Variants in XDH observed in about 807,000 individuals in gnomAD.
The protein encoded by XDH is xanthine dehydrogenase.
A neutral mutation model predicts 156.1 loss-of-function variants in XDH; 138 were observed. That is an observed-to-expected ratio of 0.88 (90% CI 0.77 to 1.02). The LOEUF (loss-of-function observed/expected upper bound fraction) is 1.02. Among genes scored for constraint, XDH ranks in the 50% least tolerant of loss-of-function variants. The pLI is 0.00. For synonymous variants in XDH, 669 were observed against 625.7 expected, an observed-to-expected ratio of 1.07 and a Z score of -1.03; for missense variants, 1,849 against 1,684.9, an observed-to-expected ratio of 1.10 and a Z score of -1.71.
At chr2:31,350,003 T>G (rs1447671202) in intron 25 of XDH, 29 bp downstream of exon 25, 3 of 1,613,156 alleles carry the variant, frequency 1.9e-6, no homozygotes, top group Non-Finnish European at 2.5e-6. Flanking sequence ...TAAAGCACTC[T>G]GACTTGTGCT....
intron 3 of XDH, among the ~76,000 whole-genome samples, chr2:31,401,688 A>T (rs1414964593): frequency 6.6e-6 from 1 of 152,218 alleles, no homozygotes; most frequent in Non-Finnish European, 1.5e-5. Flanking sequence ...TGCAGCCTTA[A>T]AGCATGCTCC....
At chr2:31,342,661 G>T (rs1685158766) in intron 31 of XDH, among the ~76,000 whole-genome samples, 1 of 152,128 alleles carries the variant, frequency 6.6e-6, no homozygotes, top group East Asian at 1.9e-4. Flanking sequence ...AGAATCCAAG[G>T]TCTTCAGGAC....
chr2:31,344,895 A>G (rs1309229044), intron 30 of XDH, among the ~76,000 whole-genome samples, 159 bp from the exon 31 acceptor site: 1 of 152,138 alleles, frequency 6.6e-6, no homozygotes, highest in African/African-American at 2.4e-5. Context: ...CACTGGCACC[A>G]CCTGCACCAG....
chr2:31,336,677 C>T (rs1164133326), intron 35 of XDH, among the ~76,000 whole-genome samples: 3 of 150,732 alleles, frequency 2.0e-5, no homozygotes, highest in African/African-American at 7.4e-5. Context: ...TGAATGGGGA[C>T]CCATATGCCT....
Position 31,387,808 on chromosome 2 carries a change from T to C in XDH, c.651+3A>G. 1 of 1,576,266 alleles carries C rather than the reference T, an allele frequency of 6.3e-7. No homozygotes were observed. Among genetic ancestry groups the C allele is most frequent in the Admixed American group, 1.9e-5 (1 of 53,180 alleles). ...CTGGATCTGTCCCTGAGGCATCACC[T>C]ACCAGCAACTCTGGGGGAAAAATGG... On this transcript the variant is annotated splice_donor_region_variant and intron_variant, in intron 8 of 35. Transcript: ENST00000379416.
chr2:31,354,894 C>T lies in XDH; in HGVS notation c.2632-4671G>A, dbSNP rs571660171. On this transcript the variant is annotated intron_variant, in intron 24 of 35. Transcript: ENST00000379416. ...CAAAGCAATAATAACTGAAAAGTTC[C>T]CAAGGTTTCAAGATATGTAAACCTA... is the stretch of plus-strand genomic sequence containing the variant. Among the ~76,000 whole-genome samples, 4 of 152,164 alleles carry T rather than the reference C, an allele frequency of 2.6e-5. No homozygotes were observed. In the South Asian group the frequency reaches 8.3e-4, roughly 32 times the overall value.
Position 31,364,197 on chromosome 2 carries a change from G to A in XDH, c.2592C>T (p.His864=), listed in dbSNP as rs368056609. 363 of 1,614,172 alleles carry A rather than the reference G, an allele frequency of 2.2e-4. 5 individuals carry two copies. The South Asian group carries it at 3.7e-3, about 16-fold the overall frequency. Residue 864 remains histidine, a synonymous_variant, in exon 24 of 36, where the codon CAC becomes CAT. Coordinates refer to ENST00000379416, the MANE Select transcript of XDH (RefSeq NM_000379.4). ...TGTVVALEVD[H]FSNVGNTQDL... Reference sequence around the variant, plus strand: ...CCTGGGTGTTCCCCACATTGCTGAAGTGGTCCACCTCAAGAGCCACAACTG... The same window carrying A: ...CCTGGGTGTTCCCCACATTGCTGAAATGGTCCACCTCAAGAGCCACAACTG...
chr2:31,370,532 C>G, intron 17 of XDH, 54 bp from the exon 18 acceptor site: 1 of 1,609,582 alleles, frequency 6.2e-7, no homozygotes. Flanking sequence ...GCAGGGGACC[C>G]ATCACCTGGT....
chr2:31,377,559 G>T (rs1039911672), intron 13 of XDH, among the ~76,000 whole-genome samples: 1 of 152,062 alleles, frequency 6.6e-6, no homozygotes, highest in Non-Finnish European at 1.5e-5. Flanking sequence ...TTTCACAAAG[G>T]CTCCTTAGAG....
In XDH at chr2:31,378,107, AAAGGAAGGAAGGAAGGAAGG is replaced by A. The variant is rs1210425191; in HGVS notation, c.1243-890_1243-871del. Among the ~76,000 whole-genome samples the A allele has an allele frequency of 4.4e-3, 242 of 54,382 alleles. 3 individuals are homozygous for A. The highest frequency in any genetic ancestry group is 5.1e-3 in the Non-Finnish European group (140 of 27,706). 35.7% of individuals were successfully genotyped at this position (54,382 alleles called of 152,430 possible). ...GAAAGAAAGAAAGAAAGAAAGAAAG[AAAGGAAGGAAGGAAGGAAGG>A]AAGGAAGGAAGGAAGGAAGGAAGGA... On this transcript the variant is annotated intron_variant, in intron 13 of 35. Transcript: ENST00000379416.
chr2:31,349,159 C>T (rs2148755871), intron 26 of XDH, among the ~76,000 whole-genome samples, 179 bp from the exon 27 acceptor site: 1 of 152,304 alleles, frequency 6.6e-6, no homozygotes, highest in East Asian at 1.9e-4. Context: ...TGAGTGCAAC[C>T]CGTACTGGGT....
At chr2:31,356,098 A>G (rs1359516242) in intron 24 of XDH, among the ~76,000 whole-genome samples, 2 of 152,152 alleles carry the variant, frequency 1.3e-5, no homozygotes, top group Non-Finnish European at 2.9e-5. Context: ...GTCTGCCCCA[A>G]ATAAAAGAGC....
At chr2:31,368,499 G>T in intron 19 of XDH, 42 bp downstream of exon 19, 1 of 1,611,980 alleles carries the variant, frequency 6.2e-7, no homozygotes, top group East Asian at 2.2e-5. Context: ...ATCCAGGGAC[G>T]GGGAGCTCAC....
In XDH at chr2:31,350,216, T is replaced by C; in HGVS notation, c.2639A>G (p.Glu880Gly). The C allele has an allele frequency of 1.9e-6, 3 of 1,614,088 alleles. No individual in the cohort carries two copies. The highest frequency in any genetic ancestry group is 2.5e-6 in the Non-Finnish European group (3 of 1,180,014). ...GTTGTCCATGTGGAATAAAGCTCGT[T>C]CCATAATCTGAAGCAGAGGAAACAA... ...NTQDLSQSIMERALFHMDNCY... is the reference protein window; with the variant it reads ...NTQDLSQSIMGRALFHMDNCY... Residue 880 changes from glutamate (E) to glycine (G), a missense_variant, in exon 25 of 36, where the codon GAA becomes GGA. Glu to Gly is a moderately conservative substitution (Grantham distance 98). Coordinates refer to ENST00000379416, the MANE Select transcript of XDH (RefSeq NM_000379.4).
In XDH at chr2:31,378,055, G is replaced by GAAGAAAGA. The variant is rs149074112; in HGVS notation, c.1243-826_1243-819dup. On this transcript the variant is annotated intron_variant, in intron 13 of 35. Coordinates refer to ENST00000379416, the MANE Select transcript of XDH (RefSeq NM_000379.4). Reference sequence around the variant, plus strand: ...AAAAAGAGAAGAAAGAGAAAGAAAGGAAGAAAGAAAGAAAGAAAGAAAGAA... The same window carrying GAAGAAAGA: ...AAAAAGAGAAGAAAGAGAAAGAAAGGAAGAAAGAAAGAAAGAAAGAAAGAAAGAAAGAA... 1.9e-3 allele frequency among the ~76,000 whole-genome samples: 122 copies of GAAGAAAGA among 65,500 alleles called. 7 individuals are homozygous for GAAGAAAGA. Among genetic ancestry groups the GAAGAAAGA allele is most frequent in the Non-Finnish European group, 2.1e-3 (75 of 35,046 alleles). The allele number at this position is 65,500 out of a possible 152,430, so 43.0% of individuals were successfully genotyped here. A position where few individuals can be genotyped will look rare whatever the true frequency, so the allele number is the denominator to read the frequency against.
In XDH at chr2:31,377,535, G is replaced by C. The variant is rs998011990; in HGVS notation, c.1243-298C>G. 3.3e-5 allele frequency among the ~76,000 whole-genome samples: 5 copies of C among 152,086 alleles called. No homozygotes were observed. The East Asian group carries it at 7.7e-4, about 24-fold the overall frequency. On this transcript the variant is annotated intron_variant, in intron 13 of 35. Coordinates refer to ENST00000379416, the MANE Select transcript of XDH (RefSeq NM_000379.4). Reference sequence around the variant, plus strand: ...GGTCTCCATTGAACAACAGCTGCAGGGGAAGAAGGGTGCTTTCACAAAGGC... The same window carrying C: ...GGTCTCCATTGAACAACAGCTGCAGCGGAAGAAGGGTGCTTTCACAAAGGC...
At chr2:31,384,256 G>A (rs1686523066) in intron 9 of XDH, 1 of 222,294 alleles carries the variant, frequency 4.5e-6, no homozygotes, top group Non-Finnish European at 9.0e-6. Context: ...ACCCTATGAG[G>A]TACTATGATT....
chr2:31,340,168 G>A (rs556219447), intron 33 of XDH, among the ~76,000 whole-genome samples: 11 of 152,192 alleles, frequency 7.2e-5, no homozygotes, highest in African/African-American at 2.7e-4. Context: ...CCACACATCT[G>A]CTCTCTCAGC....
At chr2:31,386,820 T>G (rs1488638556) in intron 8 of XDH, among the ~76,000 whole-genome samples, 2 of 150,650 alleles carry the variant, frequency 1.3e-5, no homozygotes, top group African/African-American at 2.5e-5. Flanking sequence ...TGGGACCTGC[T>G]GAAGGTCACC....
Sources: gnomAD v4.1 joint callset for allele counts (sites outside exome capture counted in the v4.1 genomes callset) on GRCh38, gnomAD v4.1.1 for gene constraint, MANE v1.5 for transcripts, NCBI Gene and HGNC (gene_info 2026-07-23, HGNC 2026-07-21) for gene names.